Variants in AP1G1 observed in about 807,000 individuals in gnomAD.
AP1G1 encodes AP-1 complex subunit gamma-1.
In AP1G1, 7 loss-of-function variants were observed where a neutral mutation model predicts 108.3. The observed-to-expected ratio is 0.06, with a 90% CI of 0.04 to 0.12. AP1G1 has a LOEUF of 0.12. AP1G1 is among the 10% of genes least tolerant of loss of function. The pLI is 1.00. For synonymous variants in AP1G1, 379 were observed against 353.5 expected (o/e 1.07, Z -0.81); for missense variants, 756 against 1,010.7 (o/e 0.75, Z 3.42).
At chr16:71,808,411 G>A in intron 1 of AP1G1, 1 of 1,097,064 alleles carries the variant, frequency 9.1e-7, no homozygotes, top group Non-Finnish European at 1.2e-6. Flanking sequence ...GAAGACACGC[G>A]GGGGTGGGGC....
At chr16:71,771,818 A>G (rs1268716313) in intron 4 of AP1G1, among the ~76,000 whole-genome samples, 1 of 152,234 alleles carries the variant, frequency 6.6e-6, no homozygotes, top group African/African-American at 2.4e-5. Flanking sequence ...CACAACTGAA[A>G]GATATATACT....
chr16:71,739,549 G>C (rs770956806), intron 19 of AP1G1, among the ~76,000 whole-genome samples: 1 of 151,854 alleles, frequency 6.6e-6, no homozygotes, highest in Non-Finnish European at 1.5e-5. Context: ...GTAAGAAAAA[G>C]TACAGTCTGA....
At chr16:71,772,774 A>C (rs983533097) in intron 4 of AP1G1, among the ~76,000 whole-genome samples, 1 of 152,170 alleles carries the variant, frequency 6.6e-6, no homozygotes, top group African/African-American at 2.4e-5. Context: ...CAACAAATAA[A>C]ATCAGATAGA....
At chr16:71,804,796 C>T (rs1597096411) in intron 1 of AP1G1, among the ~76,000 whole-genome samples, 1 of 152,048 alleles carries the variant, frequency 6.6e-6, no homozygotes, top group East Asian at 1.9e-4. Flanking sequence ...GTGGGAGGAC[C>T]TCTTGAGCCC....
At chr16:71,756,527 G>T (rs2030794127) in intron 11 of AP1G1, among the ~76,000 whole-genome samples, 1 of 152,118 alleles carries the variant, frequency 6.6e-6, no homozygotes, top group Non-Finnish European at 1.5e-5. Context: ...ATACCTATCT[G>T]CCTCATTCCT....
chr16:71,739,704 AC>A (rs1391807990), intron 19 of AP1G1, among the ~76,000 whole-genome samples: 1 of 150,774 alleles, frequency 6.6e-6, no homozygotes, highest in East Asian at 2.0e-4. Flanking sequence ...GTGAGCTTGC[AC>A]CACTGTACTC....
chr16:71,764,873 A>G, intron 7 of AP1G1, 147 bp from the exon 8 acceptor site: 1 of 603,438 alleles, frequency 1.7e-6, no homozygotes, highest in East Asian at 2.9e-5. Context: ...AATCAAACAG[A>G]AGAATTGAAA....
intron 2 of AP1G1, among the ~76,000 whole-genome samples, chr16:71,775,464 T>A (rs2031748198): frequency 6.6e-6 from 1 of 152,186 alleles, no homozygotes; most frequent in Non-Finnish European, 1.5e-5. Context: ...CAGTTTTGCA[T>A]TAGTTTTGCA....
chr16:71,806,661 G>A, intron 1 of AP1G1: 1 of 1,270,778 alleles, frequency 7.9e-7, no homozygotes, highest in South Asian at 1.3e-5. Context: ...GAACATTTCA[G>A]TAGTAACTGC....
At chr16:71,786,316 T>C (rs2032201430) in intron 2 of AP1G1, among the ~76,000 whole-genome samples, 1 of 152,176 alleles carries the variant, frequency 6.6e-6, no homozygotes, top group Non-Finnish European at 1.5e-5. Context: ...AAATCTACTC[T>C]GATTCCAAAT....
intron 1 of AP1G1, among the ~76,000 whole-genome samples, chr16:71,805,972 G>A (rs1168837344): frequency 6.6e-6 from 1 of 151,078 alleles, no homozygotes; most frequent in African/African-American, 2.4e-5. Flanking sequence ...AGTGAGCTGA[G>A]ACCACTGCAC....
intron 6 of AP1G1, among the ~76,000 whole-genome samples, chr16:71,768,299 C>T (rs2031401570): frequency 6.7e-6 from 1 of 149,648 alleles, no homozygotes; most frequent in East Asian, 2.0e-4. Context: ...AGAGTTCGAA[C>T]CAGCCTGGCT....
Position 71,738,901 on chromosome 16 carries a change from T to C in AP1G1, c.2268+41A>G, listed in dbSNP as rs149867815. On this transcript the variant is annotated intron_variant, in intron 21 of 22. Transcript: ENST00000299980. The stretch of plus-strand genomic sequence containing the variant: ...CACATGAAAAAAAAAAGCCAGCCAA[T>C]CTTTAATCAAAGGAAACATCTAAAG... The C allele has an allele frequency of 3.2e-6, 5 of 1,541,022 alleles. No homozygotes were observed. In the African/African-American group the frequency reaches 7.0e-5, roughly 22 times the overall value.
At chr16:71,802,458 G>A (rs1403888604) in intron 1 of AP1G1, among the ~76,000 whole-genome samples, 2 of 152,112 alleles carry the variant, frequency 1.3e-5, no homozygotes, top group Non-Finnish European at 2.9e-5. Flanking sequence ...GGCCAGGCGC[G>A]GTAGCTCATG....
At chr16:71,773,959 G>A (rs1279666241) in intron 3 of AP1G1, among the ~76,000 whole-genome samples, 2 of 151,082 alleles carry the variant, frequency 1.3e-5, no homozygotes, top group African/African-American at 4.8e-5. Context: ...TAGTAGAAAC[G>A]GGGTTTCACC....
chr16:71,766,104 C>T (rs1341553783), intron 6 of AP1G1, among the ~76,000 whole-genome samples: 1 of 152,094 alleles, frequency 6.6e-6, no homozygotes, highest in Non-Finnish European at 1.5e-5. Flanking sequence ...CCTTTTCCAA[C>T]AAACAACAGG....
At chr16:71,753,981 T>TGTCA in intron 12 of AP1G1, 94 bp from the exon 13 acceptor site, 3 of 1,193,548 alleles carry the variant, frequency 2.5e-6, no homozygotes, top group Non-Finnish European at 3.7e-6. Context: ...GACTCACACC[T>TGTCA]GTCATCCCAA....
At chr16:71,807,764 A>G in intron 1 of AP1G1, 1 of 1,263,556 alleles carries the variant, frequency 7.9e-7, no homozygotes, top group Non-Finnish European at 1.0e-6. Flanking sequence ...CTGTTAACTA[A>G]TCACTGTAAA....
Position 71,758,887 on chromosome 16 carries a change from G to C in AP1G1, c.1009C>G (p.Gln337Glu). ...CTCTGTACTGCATTATGATCTGTCT[G>C]TACAGTCTTCAACAAAGATGTCAGA... ...VALTSLLKTV[Q>E]TDHNAVQRHR... The change falls in exon 11 of 23, where the codon CAG becomes GAG. Residue 337 changes from glutamine (Q) to glutamate (E), a missense_variant. Gln to Glu is a conservative substitution (Grantham distance 29). This residue lies in a region of AP1G1 where 304 missense variants were observed against 483.6 expected (regional missense o/e 0.63). Transcript: ENST00000299980. The C allele has an allele frequency of 1.2e-6, 2 of 1,607,296 alleles. No individual in the cohort carries two copies. Among genetic ancestry groups the C allele is most frequent in the South Asian group, 1.1e-5 (1 of 89,128 alleles).
Sources: allele counts gnomAD v4.1 joint callset (sites outside exome capture counted in the v4.1 genomes callset), GRCh38; gene constraint gnomAD v4.1.1; regional missense constraint gnomAD v4.1.1; transcripts MANE v1.5; gene names NCBI Gene and HGNC (gene_info 2026-07-23, HGNC 2026-07-21).